The following ADAM12 variants were observed in gnomAD, a reference collection of about 807,000 sequenced individuals.
ADAM12 encodes the protein disintegrin and metalloproteinase domain-containing protein 12.
Under a neutral mutation model 106.4 loss-of-function variants are expected in ADAM12, and 70 were observed. The observed-to-expected ratio is 0.66, with a 90% CI of 0.54 to 0.80. The LOEUF (loss-of-function observed/expected upper bound fraction) is 0.80, where lower values mean the gene tolerates loss of function less well. Among genes scored for constraint, ADAM12 ranks in the 30% least tolerant of loss-of-function variants. ADAM12 has a pLI of 0.00. For synonymous variants in ADAM12, 420 were observed against 433.5 expected, an observed-to-expected ratio of 0.97 and a Z score of 0.39; for missense variants, 1,010 against 1,171.9, an observed-to-expected ratio of 0.86 and a Z score of 2.02.
chr10:126,117,986 G>T, intron 6 of ADAM12, 52 bp downstream of exon 6: 1 of 1,587,222 alleles, frequency 6.3e-7, no homozygotes, highest in South Asian at 1.1e-5. Flanking sequence ...TGGGGTATCC[G>T]TAGCTTGAGC....
Position 126,388,407 on chromosome 10 carries a change from A to C in ADAM12, c.-262T>G. On this transcript the variant is annotated 5_prime_UTR_variant, in exon 1 of 23. The change creates a new upstream start codon in the 5' untranslated region. Transcript: ENST00000448723. This position sits in a 1 kb window ranked among gnomAD's most constrained non-coding sequence, Gnocchi z 4.4. ...CAAGCCAGCCTTGACCGTTGCAATA[A>C]ATGAGCAAACTGTCCGAGTTGGCCC... The C allele has an allele frequency of 9.4e-6, 3 of 319,712 alleles. No homozygotes were observed. The highest frequency in any genetic ancestry group is 5.6e-5 in the East Asian group (1 of 17,762). The allele number at this position is 319,712 out of a possible 1,614,324, so 19.8% of individuals were successfully genotyped here. A position where few individuals can be genotyped will look rare whatever the true frequency, so the allele number is the denominator to read the frequency against.
In ADAM12 at chr10:126,064,841, G is replaced by C. The variant is rs780178518; in HGVS notation, c.1574C>G (p.Thr525Ser). 6.2e-7 allele frequency: 1 copy of C among 1,611,420 alleles called. No individual in the cohort carries two copies. Among genetic ancestry groups the C allele is most frequent in the Admixed American group, 1.7e-5 (1 of 59,788 alleles). ...DGYCYNGICQ[T>S]HEQQCVTLWG... ...GAGCGTGACACACTGCTGCTCGTGA[G>C]TCTGGCAGATGCCATTGTAGCAGTA... The change falls in exon 14 of 23, where the codon ACT becomes AGT. Residue 525 changes from threonine to serine, a missense_variant. Physicochemically the swap from Thr to Ser is moderately conservative, Grantham distance 58 (BLOSUM62 1). Coordinates refer to ENST00000448723, the MANE Select transcript of ADAM12 (RefSeq NM_001288973.2). This position sits in a 1 kb window ranked among gnomAD's most constrained non-coding sequence, Gnocchi z 4.4.
At chr10:126,039,116 C>T (rs1212990337) in intron 19 of ADAM12, among the ~76,000 whole-genome samples, 178 bp downstream of exon 19, 6 of 151,900 alleles carry the variant, frequency 3.9e-5, no homozygotes, top group Admixed American at 2.0e-4. Context: ...CCCACCACCG[C>T]GCCCGGCTGA....
At chr10:126,017,412 G>T in intron 22 of ADAM12, 73 bp from the exon 23 acceptor site, 1 of 1,383,814 alleles carries the variant, frequency 7.2e-7, no homozygotes, top group Non-Finnish European at 1.0e-6. Context: ...GAGGTCTGGG[G>T]TTGGAGATGT....
chr10:126,327,231 C>A (rs751911565), intron 2 of ADAM12, among the ~76,000 whole-genome samples: 1 of 152,110 alleles, frequency 6.6e-6, no homozygotes, highest in South Asian at 2.1e-4. Flanking sequence ...CTCTAGGATG[C>A]GGATGTGAGG....
chr10:126,242,745 C>T (rs1345641738), intron 3 of ADAM12, among the ~76,000 whole-genome samples: 1 of 152,188 alleles, frequency 6.6e-6, no homozygotes, highest in Non-Finnish European at 1.5e-5. Context: ...TCCCAGGCTC[C>T]TCAGGATTTC....
chr10:126,194,763 G>A (rs1323051837), intron 3 of ADAM12, among the ~76,000 whole-genome samples: 1 of 152,114 alleles, frequency 6.6e-6, no homozygotes, highest in East Asian at 1.9e-4. Flanking sequence ...CCTGGTTCTG[G>A]GTCTGCAGTG....
chr10:126,341,156 C>T (rs182192908), intron 1 of ADAM12, among the ~76,000 whole-genome samples: 1 of 152,154 alleles, frequency 6.6e-6, no homozygotes, highest in Non-Finnish European at 1.5e-5. Flanking sequence ...TTCCTCCCAA[C>T]CCAAGTTGCT....
intron 11 of ADAM12, among the ~76,000 whole-genome samples, chr10:126,088,127 A>T (rs1298184907): frequency 1.3e-5 from 2 of 152,126 alleles, no homozygotes; most frequent in Non-Finnish European, 2.9e-5. Flanking sequence ...CCACACTGAA[A>T]TCACTTCTAG....
chr10:126,241,295 T>C (rs1487495938), intron 3 of ADAM12, among the ~76,000 whole-genome samples: 1 of 152,188 alleles, frequency 6.6e-6, no homozygotes, highest in East Asian at 1.9e-4. Context: ...GTTCTGGAAT[T>C]AGATAGTGGT....
Position 126,071,585 on chromosome 10 carries a change from C to T in ADAM12, c.1215G>A (p.Met405Ile). 6.2e-7 allele frequency: 1 copy of T among 1,614,198 alleles called. No individual in the cohort carries two copies. Residue 405 changes from methionine to isoleucine, a missense_variant, in exon 12 of 23, where the codon ATG becomes ATA. Met to Ile is a conservative substitution (Grantham distance 10). Coordinates refer to ENST00000448723, the MANE Select transcript of ADAM12 (RefSeq NM_001288973.2). ...CCGGCAGGTTAAACAGGCACACCCC[C>T]ATTCCTTTCTCCAGGCTGGTCTCCA... ...KDLETSLEKG[M>I]GVCLFNLPEV... is the part of the protein sequence containing the mutation.
At chr10:126,386,408 A>G (rs1856660596) in intron 1 of ADAM12, among the ~76,000 whole-genome samples, 1 of 152,168 alleles carries the variant, frequency 6.6e-6, no homozygotes, top group African/African-American at 2.4e-5. Context: ...ATACGGCCTC[A>G]ATGGTATGAT....
intron 2 of ADAM12, among the ~76,000 whole-genome samples, chr10:126,312,309 G>A (rs1480356632): frequency 1.3e-5 from 2 of 152,038 alleles, no homozygotes; most frequent in African/African-American, 2.4e-5. Context: ...CCCGACAGCG[G>A]GGCCTTCCAA....
In ADAM12 at chr10:126,091,568, T is replaced by A. The variant is rs564849469; in HGVS notation, c.1145+2417A>T. ...GAAAACTCAGAAATTGCTAATATGGTATAAATCAAATAAAGGCTATTAGCA... is the reference window on the plus strand; with the variant it reads ...GAAAACTCAGAAATTGCTAATATGGAATAAATCAAATAAAGGCTATTAGCA... On this transcript the variant is annotated intron_variant, in intron 11 of 22. Transcript: ENST00000448723. Among the ~76,000 whole-genome samples, 25 of 152,094 alleles carry A rather than the reference T, an allele frequency of 1.6e-4. No individual in the cohort carries two copies. The South Asian group carries it at 4.8e-3, about 29-fold the overall frequency.
chr10:126,145,573 A>G (rs12776125), intron 4 of ADAM12: 49,418 of 152,286 alleles, frequency 0.32, 8,393 homozygotes, highest in Non-Finnish European at 0.38. Context: ...TGGGTAGTGT[A>G]GCCTTAGACT....
Position 126,295,363 on chromosome 10 carries a change from T to G in ADAM12, c.187-16375A>C, listed in dbSNP as rs1169067590. On this transcript the variant is annotated intron_variant, in intron 2 of 22. Transcript: ENST00000448723. The stretch of plus-strand genomic sequence containing the variant: ...GACAGGGATGGCACATAAGAAGCAC[T>G]TCATGTGACTGACAATAAGGATTAC... Among the ~76,000 whole-genome samples, 3 of 152,302 alleles carry G rather than the reference T, an allele frequency of 2.0e-5. No individual in the cohort carries two copies. The East Asian group carries it at 5.8e-4, about 29-fold the overall frequency.
intron 3 of ADAM12, among the ~76,000 whole-genome samples, chr10:126,160,719 G>A (rs1956916979): frequency 6.6e-6 from 1 of 152,124 alleles, no homozygotes; most frequent in Non-Finnish European, 1.5e-5. Context: ...CTTCTTGTTG[G>A]CCCTGGGGTG....
intron 4 of ADAM12, among the ~76,000 whole-genome samples, chr10:126,149,795 G>C (rs1590506062): frequency 1.3e-5 from 2 of 152,194 alleles, no homozygotes; most frequent in Non-Finnish European, 2.9e-5. Context: ...ACAGACTGAA[G>C]GCTGCACCAT....
At chr10:126,132,253 G>T (rs551429638) in intron 5 of ADAM12, among the ~76,000 whole-genome samples, 4 of 152,146 alleles carry the variant, frequency 2.6e-5, no homozygotes, top group Non-Finnish European at 5.9e-5. Flanking sequence ...GATTACAGGC[G>T]TGAGCCACCG....
Sources: gnomAD v4.1 joint callset for allele counts (sites outside exome capture counted in the v4.1 genomes callset) on GRCh38, gnomAD v4.1.1 for gene constraint, Gnocchi (gnomAD v3.1) non-coding constraint, MANE v1.5 for transcripts, NCBI Gene and HGNC (gene_info 2026-07-23, HGNC 2026-07-21) for gene names.